Variants in DCC observed in about 807,000 individuals in gnomAD.
DCC encodes the protein netrin receptor DCC.
Under a neutral mutation model 172.5 loss-of-function variants are expected in DCC, and 58 were observed. The ratio of observed to expected loss-of-function variants is 0.34; its 90% CI spans 0.27 to 0.42. DCC has a LOEUF of 0.42. Ranked by LOEUF, DCC falls within the 10% of genes least tolerant of loss-of-function variation. DCC has a pLI of 1.00. For synonymous variants in DCC, 709 were observed against 644.5 expected, an observed-to-expected ratio of 1.10 and a Z score of -1.52; for missense variants, 1,740 against 1,791.0, an observed-to-expected ratio of 0.97 and a Z score of 0.51.
chr18:52,471,211 A>G (rs1988935685), intron 1 of DCC, among the ~76,000 whole-genome samples: 2 of 152,114 alleles, frequency 1.3e-5, no homozygotes, highest in African/African-American at 2.4e-5. Context: ...TTAGGAAGGC[A>G]TGGTTATGCA....
At chr18:52,875,272 G>T (rs1421996515) in intron 2 of DCC, among the ~76,000 whole-genome samples, 1 of 150,770 alleles carries the variant, frequency 6.6e-6, no homozygotes, top group Non-Finnish European at 1.5e-5. Flanking sequence ...GTTATTTCTT[G>T]CCAGAATCAA....
At chr18:52,927,550 T>G (rs1327820116) in intron 5 of DCC, among the ~76,000 whole-genome samples, 1 of 152,030 alleles carries the variant, frequency 6.6e-6, no homozygotes, top group Admixed American at 6.6e-5. Context: ...CTTGGATGCT[T>G]CTTTGATTTT....
chr18:52,848,030 T>C (rs550153420), intron 2 of DCC, among the ~76,000 whole-genome samples: 13 of 152,294 alleles, frequency 8.5e-5, no homozygotes, highest in African/African-American at 3.1e-4. Context: ...GTAGCTTTTA[T>C]TCTGTACTTC....
At chr18:53,100,572 G>C (rs2043157945) in intron 7 of DCC, among the ~76,000 whole-genome samples, 1 of 152,032 alleles carries the variant, frequency 6.6e-6, no homozygotes, top group East Asian at 1.9e-4. Context: ...AGTAGAGTCA[G>C]AGAAAAGAAA....
At position 53,533,589 on chromosome 18, in the gene DCC, A is replaced by G. The variant is rs749749689; in HGVS notation, c.*2936A>G. ...ACTTATAAAAATTTAGATAGTTCAA[A>G]TGTATAAAGAATATTTGGATGATGC... is the stretch of plus-strand genomic sequence containing the variant. On this transcript the variant is annotated 3_prime_UTR_variant, in exon 29 of 29. Transcript: ENST00000442544. 6.6e-6 allele frequency: 1 copy of G among 152,190 alleles called. No individual in the cohort carries two copies. The highest frequency in any genetic ancestry group is 2.4e-5 in the African/African-American group (1 of 41,452). 9.4% of individuals were successfully genotyped at this position (152,190 alleles called of 1,614,324 possible). A position where few individuals can be genotyped will look rare whatever the true frequency, so the allele number is the denominator to read the frequency against.
intron 1 of DCC, among the ~76,000 whole-genome samples, chr18:52,730,732 C>T (rs1466622595): frequency 6.6e-6 from 1 of 152,140 alleles, no homozygotes; most frequent in Admixed American, 6.6e-5. Flanking sequence ...GGAAGACAAA[C>T]TGGAATCTGG....
intron 1 of DCC, among the ~76,000 whole-genome samples, chr18:52,438,373 T>C (rs982035219): frequency 5.3e-5 from 8 of 152,266 alleles, no homozygotes; most frequent in Admixed American, 3.9e-4. Context: ...TCAACAGATG[T>C]TATGTTGGGT....
intron 15 of DCC, among the ~76,000 whole-genome samples, chr18:53,369,052 GTTC>G (rs1199289272): frequency 1.3e-5 from 2 of 152,026 alleles, no homozygotes; most frequent in Middle Eastern, 3.4e-3. Context: ...CAATGTTATA[GTTC>G]TTCTAGTACG....
At chr18:53,432,806 A>G (rs1313988270) in intron 21 of DCC, among the ~76,000 whole-genome samples, 2 of 152,202 alleles carry the variant, frequency 1.3e-5, no homozygotes, top group Middle Eastern at 3.4e-3. Context: ...TTTAAAAGAC[A>G]TATTTCAGAG....
chr18:53,021,435 C>A (rs1181907279), intron 5 of DCC, among the ~76,000 whole-genome samples: 1 of 152,076 alleles, frequency 6.6e-6, no homozygotes, highest in Non-Finnish European at 1.5e-5. Flanking sequence ...ATGAGTCTGG[C>A]AAGCTGAGAA....
intron 9 of DCC, among the ~76,000 whole-genome samples, chr18:53,188,306 G>A (rs745677416): frequency 1.1e-4 from 16 of 152,102 alleles, no homozygotes; most frequent in Middle Eastern, 3.2e-3. Flanking sequence ...TAAACAATGG[G>A]CTTACAATAA....
intron 1 of DCC, among the ~76,000 whole-genome samples, chr18:52,352,304 GCCTCA>G (rs1984159566): frequency 6.6e-6 from 1 of 151,990 alleles, no homozygotes. Context: ...TCTAGAACCT[GCCTCA>G]ATTTTATTGT....
At chr18:53,310,997 C>CACACACACACACACACAT (rs2057259463) in intron 13 of DCC, among the ~76,000 whole-genome samples, 1 of 151,722 alleles carries the variant, frequency 6.6e-6, no homozygotes, top group Non-Finnish European at 1.5e-5. Flanking sequence ...CTAGGACACA[C>CACACACACACACACACAT]ACACACACAC....
At chr18:53,087,659 A>C (rs1009927466) in intron 7 of DCC, among the ~76,000 whole-genome samples, 4 of 152,016 alleles carry the variant, frequency 2.6e-5, no homozygotes, top group Admixed American at 1.3e-4. Context: ...TTGGTGTTTT[A>C]GACATGAAGT....
chr18:53,513,192 T>G (rs1207129840), intron 27 of DCC, among the ~76,000 whole-genome samples: 2 of 152,178 alleles, frequency 1.3e-5, no homozygotes, highest in African/African-American at 4.8e-5. Context: ...CAACCCAGAA[T>G]TTCATATCCA....
intron 1 of DCC, among the ~76,000 whole-genome samples, chr18:52,653,546 G>A (rs2035185283): frequency 6.6e-6 from 1 of 152,090 alleles, no homozygotes; most frequent in African/African-American, 2.4e-5. Context: ...TGCTATAATT[G>A]AGGTATGCAC....
At chr18:52,994,167 A>G (rs1430729291) in intron 5 of DCC, among the ~76,000 whole-genome samples, 4 of 152,198 alleles carry the variant, frequency 2.6e-5, no homozygotes, top group Non-Finnish European at 5.9e-5. Flanking sequence ...TATAAAAAGC[A>G]GCCATCTAGA....
chr18:52,446,716 A>T (rs957290372), intron 1 of DCC, among the ~76,000 whole-genome samples: 2 of 152,212 alleles, frequency 1.3e-5, no homozygotes, highest in African/African-American at 4.8e-5. Context: ...TGATTTGCAC[A>T]TGAGTGCCAC....
chr18:53,240,248 A>C (rs1228990395), intron 12 of DCC, among the ~76,000 whole-genome samples: 2 of 152,102 alleles, frequency 1.3e-5, no homozygotes, highest in African/African-American at 4.8e-5. Context: ...GCTCATATTT[A>C]AAAATAAATG....
Sources: gnomAD v4.1 joint callset for allele counts (sites outside exome capture counted in the v4.1 genomes callset) on GRCh38, gnomAD v4.1.1 for gene constraint, MANE v1.5 for transcripts, NCBI Gene and HGNC (gene_info 2026-07-23, HGNC 2026-07-21) for gene names.